The following PVT1 variants were observed in gnomAD, a reference collection of about 807,000 sequenced individuals.
PVT1 encodes the protein Pvt1 oncogene.
intron 4 of PVT1, among the ~76,000 whole-genome samples, chr8:127,997,151 G>A (rs1817116805): frequency 6.6e-6 from 1 of 150,894 alleles, no homozygotes; most frequent in Non-Finnish European, 1.5e-5. Context: ...GCCTCCCGGG[G>A]TCAAGCGATT....
intron 4 of PVT1, among the ~76,000 whole-genome samples, chr8:127,998,013 A>G (rs1259328884): frequency 6.6e-6 from 1 of 152,170 alleles, no homozygotes; most frequent in Non-Finnish European, 1.5e-5. Context: ...GATTGGGATT[A>G]TGGAGGAAGG....
chr8:128,062,521 G>A (rs1395780974), intron 4 of PVT1, among the ~76,000 whole-genome samples: 2 of 152,310 alleles, frequency 1.3e-5, no homozygotes, highest in Middle Eastern at 3.4e-3. Context: ...CACAGAAGGT[G>A]AGAACTGGGC....
chr8:127,891,511 A>G (rs760892370), intron 3 of PVT1, among the ~76,000 whole-genome samples: 6 of 152,208 alleles, frequency 3.9e-5, no homozygotes, highest in Non-Finnish European at 4.4e-5. Context: ...TCTTTAACAC[A>G]TACACACTGC....
chr8:127,884,728 C>T (rs1815505237), intron 2 of PVT1, among the ~76,000 whole-genome samples: 1 of 152,202 alleles, frequency 6.6e-6, no homozygotes. Flanking sequence ...AAAGAAAATG[C>T]TCCCTGAGAA....
intron 3 of PVT1, among the ~76,000 whole-genome samples, chr8:127,941,779 C>T (rs1014126357): frequency 6.6e-6 from 1 of 152,220 alleles, no homozygotes; most frequent in African/African-American, 2.4e-5. Context: ...CACTCAGTCT[C>T]CTGCTCTGGT....
At chr8:128,052,167 C>A (rs920907629) in intron 4 of PVT1, among the ~76,000 whole-genome samples, 6 of 152,202 alleles carry the variant, frequency 3.9e-5, no homozygotes, top group Non-Finnish European at 1.5e-5. Flanking sequence ...GCGGGCTGGC[C>A]TGGTGCCTGA....
At position 127,994,410 on chromosome 8, in the gene PVT1, C is replaced by G. The variant is rs1477567072; in HGVS notation, n.912+5119C>G. The stretch of plus-strand genomic sequence containing the variant: ...TCCCTCCTGTCCTCTCTGCCCTTGT[C>G]CACTTTCCTGTTATGAGTCAGTTGC... On this transcript the variant is annotated intron_variant and non_coding_transcript_variant, in intron 4 of 10. Transcript: ENST00000651587. 2.0e-5 allele frequency among the ~76,000 whole-genome samples: 3 copies of G among 152,172 alleles called. No homozygotes were observed. In the South Asian group the frequency reaches 6.2e-4, roughly 32 times the overall value.
At chr8:127,988,002 G>A (rs1269002354) in intron 3 of PVT1, among the ~76,000 whole-genome samples, 1 of 152,192 alleles carries the variant, frequency 6.6e-6, no homozygotes, top group Non-Finnish European at 1.5e-5. Flanking sequence ...GCACTGAATG[G>A]GAGGAGGCGA....
chr8:127,924,973 T>C (rs1479758049), intron 3 of PVT1, among the ~76,000 whole-genome samples: 1 of 152,172 alleles, frequency 6.6e-6, no homozygotes, highest in Non-Finnish European at 1.5e-5. Flanking sequence ...AATATATTCA[T>C]GGAGTTGTGC....
At chr8:127,923,922 T>C (rs1816094704) in intron 3 of PVT1, among the ~76,000 whole-genome samples, 1 of 152,198 alleles carries the variant, frequency 6.6e-6, no homozygotes, top group Non-Finnish European at 1.5e-5. Flanking sequence ...GATTGAACAT[T>C]AAACAAACAG....
chr8:127,977,830 G>C (rs1235980096), intron 3 of PVT1, among the ~76,000 whole-genome samples: 1 of 152,194 alleles, frequency 6.6e-6, no homozygotes, highest in East Asian at 1.9e-4. Flanking sequence ...TATCACTATA[G>C]GATTAAGTCT....
At chr8:127,831,039 C>G (rs1814842221) in intron 2 of PVT1, among the ~76,000 whole-genome samples, 1 of 130,904 alleles carries the variant, frequency 7.6e-6, no homozygotes. Context: ...TCTTTATATA[C>G]ATACGTGTGT....
intron 2 of PVT1, among the ~76,000 whole-genome samples, chr8:127,810,683 T>C (rs1201488538): frequency 6.6e-6 from 1 of 152,228 alleles, no homozygotes; most frequent in Non-Finnish European, 1.5e-5. Flanking sequence ...TTCCAGACTT[T>C]AGAGGATTTG....
intron 2 of PVT1, among the ~76,000 whole-genome samples, chr8:127,890,148 A>G (rs907298224): frequency 1.3e-5 from 2 of 152,222 alleles, no homozygotes; most frequent in Non-Finnish European, 1.5e-5. Context: ...GTCTTTAAAA[A>G]GAAACAAAAC....
intron 2 of PVT1, among the ~76,000 whole-genome samples, chr8:127,808,904 C>G (rs1411378814): frequency 6.6e-6 from 1 of 151,446 alleles, no homozygotes; most frequent in Non-Finnish European, 1.5e-5. Flanking sequence ...GTGGCAGGTG[C>G]CTGTAATCCG....
At chr8:127,897,893 AAGAAAG>A (rs1185876181) in intron 3 of PVT1, among the ~76,000 whole-genome samples, 3 of 150,348 alleles carry the variant, frequency 2.0e-5, no homozygotes, top group Admixed American at 6.6e-5. Context: ...GAAAGAAAGA[AAGAAAG>A]AAAAAAAGAC....
intron 4 of PVT1, among the ~76,000 whole-genome samples, chr8:128,043,803 C>CACAT (rs1554606714): frequency 1.4e-5 from 2 of 142,426 alleles, no homozygotes; most frequent in African/African-American, 5.3e-5. Context: ...CACACACACA[C>CACAT]ATACACAAGG....
chr8:127,924,900 G>A (rs1369481297), intron 3 of PVT1, among the ~76,000 whole-genome samples: 1 of 151,972 alleles, frequency 6.6e-6, no homozygotes, highest in South Asian at 2.1e-4. Context: ...CACCCACCTC[G>A]GCCTCCCTTA....
intron 3 of PVT1, among the ~76,000 whole-genome samples, chr8:127,914,826 T>G (rs1336175785): frequency 4.6e-5 from 7 of 151,420 alleles, no homozygotes; most frequent in Admixed American, 3.9e-4. Flanking sequence ...TTTTTTTTTT[T>G]TTTTTTTTGA....
Sources: gnomAD v4.1 joint callset for allele counts (sites outside exome capture counted in the v4.1 genomes callset) on GRCh38, gnomAD v4.1.1 for gene constraint, MANE v1.5 for transcripts, NCBI Gene and HGNC (gene_info 2026-07-23, HGNC 2026-07-21) for gene names.